SLCO1B1: variants seen among roughly 807,000 people sequenced by gnomAD.
SLCO1B1 encodes the protein solute carrier organic anion transporter family member 1B1, also known as OATP-2.
In SLCO1B1, 81 loss-of-function variants were observed where a neutral mutation model predicts 70.1. The ratio of observed to expected loss-of-function variants is 1.16; its 90% CI spans 0.97 to 1.39. The LOEUF is 1.39. Among genes scored for constraint, SLCO1B1 ranks in the 40% most tolerant of loss-of-function variants. The probability of loss-of-function intolerance (pLI) is 0.00; values close to 1 mark genes in which losing one functional copy is unlikely to be tolerated. For synonymous variants in SLCO1B1, 283 were observed against 271.5 expected (o/e 1.04, Z -0.42); for missense variants, 895 against 799.6 (o/e 1.12, Z -1.44).
intron 2 of SLCO1B1, among the ~76,000 whole-genome samples, chr12:21,147,067 C>T (rs1226995273): frequency 6.6e-6 from 1 of 152,098 alleles, no homozygotes; most frequent in Non-Finnish European, 1.5e-5. Flanking sequence ...TGTATTTCTA[C>T]TGGCTTTTAC....
chr12:21,231,541 G>A (rs1256481850), intron 14 of SLCO1B1, among the ~76,000 whole-genome samples: 1 of 151,460 alleles, frequency 6.6e-6, no homozygotes, highest in East Asian at 1.9e-4. Context: ...GACAGACTGA[G>A]GAAATAATTC....
intron 7 of SLCO1B1, among the ~76,000 whole-genome samples, chr12:21,182,407 A>T (rs556079154): frequency 6.6e-6 from 1 of 152,110 alleles, no homozygotes; most frequent in South Asian, 2.1e-4. Context: ...ACGCAGCCAT[A>T]GGCGCCCAAC....
rs919690242 is a variant in SLCO1B1 at position 21,175,232 on chromosome 12, G to A, written c.359+523G>A. Among the ~76,000 whole-genome samples, 3 of 152,212 alleles carry A rather than the reference G, an allele frequency of 2.0e-5. No individual in the cohort carries two copies. The East Asian group carries it at 5.8e-4, about 29-fold the overall frequency. ...TATGATTCTACCTCTTTCCATCATA[G>A]TGCTATGCCTTGCATGGTCTTGGCT... On this transcript the variant is annotated intron_variant, in intron 4 of 14. Coordinates refer to ENST00000256958, the MANE Select transcript of SLCO1B1 (RefSeq NM_006446.5).
chr12:21,200,375 C>T (rs1941142222), intron 8 of SLCO1B1, 133 bp from the exon 9 acceptor site: 1 of 503,482 alleles, frequency 2.0e-6, no homozygotes, highest in South Asian at 3.6e-5. Context: ...TGTGGTATTG[C>T]AGGCTATTCT....
At chr12:21,198,788 G>T (rs1941124357) in intron 8 of SLCO1B1, among the ~76,000 whole-genome samples, 1 of 152,016 alleles carries the variant, frequency 6.6e-6, no homozygotes, top group Non-Finnish European at 1.5e-5. Flanking sequence ...GCTTCCTAAG[G>T]TACTTAGTTT....
chr12:21,156,343 G>A (rs989863330), intron 2 of SLCO1B1, among the ~76,000 whole-genome samples: 25 of 151,750 alleles, frequency 1.6e-4, no homozygotes, highest in Admixed American at 1.2e-3. Context: ...CATCTTTTAA[G>A]TAAAAGAACC....
chr12:21,169,816 T>G (rs936967046), intron 2 of SLCO1B1, among the ~76,000 whole-genome samples: 2 of 152,158 alleles, frequency 1.3e-5, no homozygotes, highest in Non-Finnish European at 2.9e-5. Context: ...GTTGTTGAGA[T>G]TTTAACATTT....
intron 7 of SLCO1B1, among the ~76,000 whole-genome samples, chr12:21,187,486 T>G (rs1940976333): frequency 6.6e-6 from 1 of 152,114 alleles, no homozygotes; most frequent in Non-Finnish European, 1.5e-5. Flanking sequence ...TAGTGATCTA[T>G]TTCTTCCACC....
intron 7 of SLCO1B1, among the ~76,000 whole-genome samples, chr12:21,194,177 G>A (rs576889082): frequency 6.6e-5 from 10 of 150,784 alleles, no homozygotes; most frequent in East Asian, 2.0e-4. Flanking sequence ...CACCATGCCC[G>A]GCTTATTTTG....
rs1001219385 is a variant in SLCO1B1, at chr12:21,139,326, C to T, written c.-61-2188C>T. Reference sequence around the variant, plus strand: ...TAAACAGCCATTGACTTTTTTCTTACCTCACTGAACCCAGAAACCCGACAT... The same window carrying T: ...TAAACAGCCATTGACTTTTTTCTTATCTCACTGAACCCAGAAACCCGACAT... On this transcript the variant is annotated intron_variant, in intron 1 of 14. Coordinates refer to ENST00000256958, the MANE Select transcript of SLCO1B1 (RefSeq NM_006446.5). 8.5e-5 allele frequency among the ~76,000 whole-genome samples: 13 copies of T among 152,134 alleles called. No individual in the cohort carries two copies. The East Asian group carries it at 2.5e-3, about 29-fold the overall frequency.
intron 7 of SLCO1B1, among the ~76,000 whole-genome samples, chr12:21,180,255 G>T (rs904868031): frequency 1.3e-5 from 2 of 152,030 alleles, no homozygotes; most frequent in Non-Finnish European, 2.9e-5. Flanking sequence ...GAGTTACTGT[G>T]CCCTGTAATC....
intron 1 of SLCO1B1, among the ~76,000 whole-genome samples, chr12:21,135,692 T>A (rs1020498795): frequency 3.9e-5 from 6 of 152,306 alleles, no homozygotes; most frequent in Middle Eastern, 6.8e-3. Context: ...GCTTGGTAGA[T>A]CTTCCTCCAT....
At chr12:21,229,001 T>TA (rs879412701) in intron 14 of SLCO1B1, among the ~76,000 whole-genome samples, 460 of 141,730 alleles carry the variant, frequency 3.2e-3, no homozygotes, top group African/African-American at 9.2e-3. Flanking sequence ...AAGTGGAATT[T>TA]AAAAAAAAAA....
At chr12:21,236,147 G>T (rs1330608290) in intron 14 of SLCO1B1, among the ~76,000 whole-genome samples, 3 of 152,120 alleles carry the variant, frequency 2.0e-5, no homozygotes, top group Non-Finnish European at 4.4e-5. Flanking sequence ...CCTCTATCCA[G>T]ATTCATTCCT....
chr12:21,188,431 A>G (rs1248806747), intron 7 of SLCO1B1, among the ~76,000 whole-genome samples: 1 of 152,160 alleles, frequency 6.6e-6, no homozygotes, highest in African/African-American at 2.4e-5. Context: ...TATAATACAT[A>G]TAACATACAA....
chr12:21,225,220 CAT>C (rs1941470962), intron 14 of SLCO1B1, among the ~76,000 whole-genome samples: 1 of 151,970 alleles, frequency 6.6e-6, no homozygotes, highest in Non-Finnish European at 1.5e-5. Context: ...TATATATATG[CAT>C]GTGTGTGTAT....
At chr12:21,216,822 A>C (rs879490915) in intron 11 of SLCO1B1, among the ~76,000 whole-genome samples, 10 of 152,136 alleles carry the variant, frequency 6.6e-5, no homozygotes, top group Non-Finnish European at 1.5e-4. Flanking sequence ...TATTAAAGAG[A>C]ATCTATAGTG....
rs774953537 is a variant in SLCO1B1 at position 21,176,904 on chromosome 12, A to G, written c.481+7A>G. 7.1e-6 allele frequency: 11 copies of G among 1,543,830 alleles called. No homozygotes were observed. The highest frequency in any genetic ancestry group is 3.3e-5 in the Admixed American group (2 of 59,738). On this transcript the variant is annotated splice_region_variant and intron_variant, in intron 5 of 14. Transcript: ENST00000256958. ...CCTGAGATAGTGGGAAAAGGTAAGAATTAATATTGACAGTAAAAAGTCTTC... is the reference window on the plus strand; with the variant it reads ...CCTGAGATAGTGGGAAAAGGTAAGAGTTAATATTGACAGTAAAAAGTCTTC...
At chr12:21,167,037 C>A (rs1940694660) in intron 2 of SLCO1B1, among the ~76,000 whole-genome samples, 1 of 151,968 alleles carries the variant, frequency 6.6e-6, no homozygotes, top group Admixed American at 6.6e-5. Context: ...TAAAAGAACG[C>A]AATATTAAAA....
Sources: allele counts gnomAD v4.1 joint callset (sites outside exome capture counted in the v4.1 genomes callset), GRCh38; gene constraint gnomAD v4.1.1; transcripts MANE v1.5; gene names NCBI Gene and HGNC (gene_info 2026-07-23, HGNC 2026-07-21).